Variants in RIPK4 observed in about 807,000 individuals in gnomAD.
RIPK4 encodes the protein receptor-interacting serine/threonine-protein kinase 4.
Under a neutral mutation model 42.9 loss-of-function variants are expected in RIPK4, and 17 were observed. The ratio of observed to expected loss-of-function variants is 0.40; its 90% CI spans 0.27 to 0.59. RIPK4 has a LOEUF of 0.59. Among genes scored for constraint, RIPK4 ranks in the 20% least tolerant of loss-of-function variants. The pLI is 0.47. For synonymous variants in RIPK4, 498 were observed against 499.1 expected, an observed-to-expected ratio of 1.00 and a Z score of 0.03; for missense variants, 897 against 1,104.4, an observed-to-expected ratio of 0.81 and a Z score of 2.66.
intron 1 of RIPK4, among the ~76,000 whole-genome samples, chr21:41,765,991 C>T (rs1255766602): frequency 2.6e-5 from 4 of 152,252 alleles, no homozygotes; most frequent in Non-Finnish European, 4.4e-5. Flanking sequence ...TCCCATTCGT[C>T]TTTGTTACCT....
In RIPK4 at chr21:41,745,727, G is replaced by A. The variant is rs1192007043; in HGVS notation, c.936+32C>T. On this transcript the variant is annotated intron_variant, in intron 6 of 7. Coordinates refer to ENST00000332512, the MANE Select transcript of RIPK4 (RefSeq NM_020639.3). Reference sequence around the variant, plus strand: ...GAAACTCCTGCCTGGAAGCCGAGGAGACAAAAGACCCCTGTGGGAAGGACT... The same window carrying A: ...GAAACTCCTGCCTGGAAGCCGAGGAAACAAAAGACCCCTGTGGGAAGGACT... 7 of 1,548,598 alleles carry A rather than the reference G, an allele frequency of 4.5e-6. No homozygotes were observed. In the South Asian group the frequency reaches 5.6e-5, roughly 12 times the overall value.
chr21:41,750,165 C>CA (rs1311643757), intron 3 of RIPK4, among the ~76,000 whole-genome samples: 1 of 152,212 alleles, frequency 6.6e-6, no homozygotes, highest in Non-Finnish European at 1.5e-5. Flanking sequence ...TGGCCACTGT[C>CA]AAACCAGTCA....
At position 41,745,837 on chromosome 21, in the gene RIPK4, C is replaced by G. The variant is rs1289886902; in HGVS notation, c.858G>C (p.Leu286=). The G allele has an allele frequency of 6.2e-7, 1 of 1,614,232 alleles. No individual in the cohort carries two copies. Among genetic ancestry groups the G allele is most frequent in the Non-Finnish European group, 8.5e-7 (1 of 1,180,028 alleles). ...TCACTTCGTCATCAGGCTTTTCACA[C>G]AGGTCCTCGGTTTCAGAAGTAATTT... ...FQEITSETED[L]CEKPDDEVKE... The change falls in exon 6 of 8, where the codon CTG becomes CTC. Residue 286 remains leucine (L), a synonymous_variant. Coordinates refer to ENST00000332512, the MANE Select transcript of RIPK4 (RefSeq NM_020639.3).
intron 1 of RIPK4, among the ~76,000 whole-genome samples, chr21:41,761,307 T>C (rs766655025): frequency 7.2e-5 from 11 of 152,262 alleles, no homozygotes; most frequent in Non-Finnish European, 1.6e-4. Context: ...TCATTTGTTA[T>C]TTAAAGGAAT....
intron 1 of RIPK4, 131 bp downstream of exon 1, chr21:41,766,729 A>C: frequency 1.0e-5 from 10 of 958,736 alleles, no homozygotes; most frequent in Non-Finnish European, 8.9e-6. Flanking sequence ...CTCGCCGGCA[A>C]TTGGTTTCCC....
chr21:41,750,193 C>T (rs1369873774), intron 3 of RIPK4, among the ~76,000 whole-genome samples: 3 of 152,198 alleles, frequency 2.0e-5, no homozygotes, highest in African/African-American at 4.8e-5. Flanking sequence ...CTGCTGGCGG[C>T]GGCAGTGACC....
chr21:41,767,044 C>A lies in RIPK4; in HGVS notation c.-3G>T. The A allele has an allele frequency of 7.0e-6, 11 of 1,565,024 alleles. No individual in the cohort carries two copies. The highest frequency in any genetic ancestry group is 9.5e-6 in the Non-Finnish European group (11 of 1,159,670). On this transcript the variant is annotated 5_prime_UTR_variant, in exon 1 of 8. Coordinates refer to ENST00000332512, the MANE Select transcript of RIPK4 (RefSeq NM_020639.3). The surrounding 1 kb of genome is among the most constrained non-coding windows in gnomAD (Gnocchi z 4.0). ...GGGGTCCCGCCGTCGCCCTCCATCGCGCACGTCTAGCCAGCGCCGCGGCGG... is the reference window on the plus strand; with the variant it reads ...GGGGTCCCGCCGTCGCCCTCCATCGAGCACGTCTAGCCAGCGCCGCGGCGG...
At chr21:41,752,981 C>T (rs1341236609) in intron 2 of RIPK4, among the ~76,000 whole-genome samples, 2 of 151,848 alleles carry the variant, frequency 1.3e-5, no homozygotes, top group African/African-American at 4.8e-5. Flanking sequence ...ACATGTATCC[C>T]GGAACTAAAA....
chr21:41,746,059 G>C, intron 5 of RIPK4, 197 bp from the exon 6 acceptor site: 1 of 717,578 alleles, frequency 1.4e-6, no homozygotes, highest in Non-Finnish European at 2.5e-6. Flanking sequence ...GTAATCATTT[G>C]AAGGCCTCAC....
At chr21:41,766,335 C>T (rs2061236462) in intron 1 of RIPK4, among the ~76,000 whole-genome samples, 1 of 152,222 alleles carries the variant, frequency 6.6e-6, no homozygotes. Flanking sequence ...AATTTGTGTT[C>T]CAACGTAAAT....
At chr21:41,743,436 T>C (rs2061160597) in intron 7 of RIPK4, among the ~76,000 whole-genome samples, 1 of 152,274 alleles carries the variant, frequency 6.6e-6, no homozygotes, top group Non-Finnish European at 1.5e-5. Context: ...AACACATTAC[T>C]AGGCCTGGAC....
chr21:41,765,484 A>C (rs1351484848), intron 1 of RIPK4, among the ~76,000 whole-genome samples: 1 of 152,226 alleles, frequency 6.6e-6, no homozygotes, highest in African/African-American at 2.4e-5. Flanking sequence ...AGCCACCACT[A>C]TCTCTGCTGT....
At position 41,741,460 on chromosome 21, in the gene RIPK4, G is replaced by A; in HGVS notation, c.1733C>T (p.Ala578Val). The A allele has an allele frequency of 6.2e-7, 1 of 1,612,782 alleles. No individual in the cohort carries two copies. Residue 578 changes from alanine (A) to valine (V), a missense_variant, in exon 8 of 8, where the codon GCC becomes GTC. By Grantham distance (64) the Ala-to-Val change is moderately conservative. Coordinates refer to ENST00000332512, the MANE Select transcript of RIPK4 (RefSeq NM_020639.3). ...GACGATGGGCAGGTGGCCCTGCCAGGCAGCGTAGTGCAGTGGCAGCCAGGC... is the reference window on the plus strand; with the variant it reads ...GACGATGGGCAGGTGGCCCTGCCAGACAGCGTAGTGCAGTGGCAGCCAGGC... Reference protein sequence around the residue: ...KDAWLPLHYAAWQGHLPIVKL... With the variant: ...KDAWLPLHYAVWQGHLPIVKL...
chr21:41,761,710 A>G (rs778992533), intron 1 of RIPK4, among the ~76,000 whole-genome samples: 12 of 152,252 alleles, frequency 7.9e-5, no homozygotes, highest in Non-Finnish European at 1.0e-4. Flanking sequence ...GCTGACTGAT[A>G]ATAAACACGT....
At chr21:41,756,479 C>G (rs746578299) in intron 2 of RIPK4, 46 bp downstream of exon 2, 15 of 1,583,876 alleles carry the variant, frequency 9.5e-6, no homozygotes, top group Non-Finnish European at 1.7e-6. Flanking sequence ...CCCCAAGACA[C>G]AGGCCCTCCC....
intron 6 of RIPK4, among the ~76,000 whole-genome samples, chr21:41,744,342 A>G: frequency 1.3e-5 from 2 of 151,916 alleles, no homozygotes; most frequent in East Asian, 3.9e-4. Context: ...CTCAGACGCC[A>G]TGTCCACACA....
rs1447992154 is a variant in RIPK4 at position 41,741,173 on chromosome 21, G to A, written c.2020C>T (p.Leu674=). 3 of 1,612,452 alleles carry A rather than the reference G, an allele frequency of 1.9e-6. No homozygotes were observed. The highest frequency in any genetic ancestry group is 4.5e-5 in the East Asian group (2 of 44,868). Reference sequence around the variant, plus strand: ...TGTCCGTTGCGGGCAGCCAGGTGCAGAGCGGTGTAGCCGTCTGAGGTCATG... The same window carrying A: ...TGTCCGTTGCGGGCAGCCAGGTGCAAAGCGGTGTAGCCGTCTGAGGTCATG... ...EAMTSDGYTA[L]HLAARNGHLA... Residue 674 remains leucine, a synonymous_variant, in exon 8 of 8, where the codon CTG becomes TTG. Coordinates refer to ENST00000332512, the MANE Select transcript of RIPK4 (RefSeq NM_020639.3).
At chr21:41,750,673 GC>G (rs1277370914) in intron 3 of RIPK4, among the ~76,000 whole-genome samples, 2 of 152,042 alleles carry the variant, frequency 1.3e-5, no homozygotes, top group Non-Finnish European at 2.9e-5. Context: ...TGTGGACTTA[GC>G]CCCCTTTCTG....
rs1026184171 is a variant in RIPK4, at chr21:41,740,523, G to A, written c.*315C>T. 1.1e-5 allele frequency: 4 copies of A among 353,174 alleles called. No individual in the cohort carries two copies. The highest frequency in any genetic ancestry group is 8.8e-5 in the Admixed American group (2 of 22,680). The allele number at this position is 353,174 out of a possible 1,614,324, so 21.9% of individuals were successfully genotyped here. On this transcript the variant is annotated 3_prime_UTR_variant, in exon 8 of 8. Transcript: ENST00000332512. Reference sequence around the variant, plus strand: ...CTCAGGAGAGAGTGGATGCTTCCACGCCTGGGGCTTCATCACTGAGAGACC... The same window carrying A: ...CTCAGGAGAGAGTGGATGCTTCCACACCTGGGGCTTCATCACTGAGAGACC...
Sources: gnomAD v4.1 joint callset for allele counts (sites outside exome capture counted in the v4.1 genomes callset) on GRCh38, gnomAD v4.1.1 for gene constraint, Gnocchi (gnomAD v3.1) non-coding constraint, MANE v1.5 for transcripts, NCBI Gene and HGNC (gene_info 2026-07-23, HGNC 2026-07-21) for gene names.